PRRC1: variants seen among roughly 807,000 people sequenced by gnomAD.
PRRC1 encodes the protein proline rich coiled-coil 1, also known as protein PRRC1.
A neutral mutation model predicts 40.7 loss-of-function variants in PRRC1; 39 were observed. That is an observed-to-expected ratio of 0.96 (90% confidence interval 0.74 to 1.25). The LOEUF is 1.25. PRRC1 is among the 50% of genes most tolerant of loss of function. The pLI is 0.00. For synonymous variants in PRRC1, 175 were observed against 193.3 expected (o/e 0.91, Z 0.79); for missense variants, 573 against 548.3 (o/e 1.05, Z -0.45).
chr5:127,537,268 G>A (rs921294016), intron 6 of PRRC1, among the ~76,000 whole-genome samples: 1 of 151,854 alleles, frequency 6.6e-6, no homozygotes, highest in Non-Finnish European at 1.5e-5. Flanking sequence ...CTTCAGTTCT[G>A]AAATGATTAT....
chr5:127,522,579 A>T (rs1305526250), intron 1 of PRRC1, among the ~76,000 whole-genome samples: 1 of 151,888 alleles, frequency 6.6e-6, no homozygotes, highest in Non-Finnish European at 1.5e-5. Flanking sequence ...TTTTGTAGAG[A>T]TGGAGTCTTC....
chr5:127,525,021 T>TTTG, intron 3 of PRRC1, 101 bp downstream of exon 3: 1 of 1,169,724 alleles, frequency 8.5e-7, no homozygotes. Flanking sequence ...TACTCTACAA[T>TTTG]TCACCCAATT....
chr5:127,534,529 A>G (rs10064653), intron 6 of PRRC1, among the ~76,000 whole-genome samples: 18,526 of 152,132 alleles, frequency 0.12, 2,227 homozygotes, highest in African/African-American at 0.32. Context: ...GAGACAGTTG[A>G]TCATGCACTT....
chr5:127,553,477 ATACTT>A lies in PRRC1; in HGVS notation c.*1563_*1567del. 3 of 1,138,462 alleles carry A rather than the reference ATACTT, an allele frequency of 2.6e-6. No homozygotes were observed. Among genetic ancestry groups the A allele is most frequent in the Non-Finnish European group, 3.3e-6 (3 of 922,486 alleles). The allele number at this position is 1,138,462 out of a possible 1,614,324, so 70.5% of individuals were successfully genotyped here. A position where few individuals can be genotyped will look rare whatever the true frequency, so the allele number is the denominator to read the frequency against. ...TTTGTCCAGGAGTAACAGGGACAGAATACTTTCTTTCTTTCCTTCAAGTACAAGAA... is the reference window on the plus strand; with the variant it reads ...TTTGTCCAGGAGTAACAGGGACAGAATCTTTCTTTCCTTCAAGTACAAGAA... On this transcript the variant is annotated 3_prime_UTR_variant, in exon 9 of 9. Transcript: ENST00000296666.
Position 127,524,606 on chromosome 5 carries a change from A to G in PRRC1, c.179A>G (p.Gln60Arg). ...CCACCACTCGCATACTCTACTCCTC[A>G]GCCGCCCCTTCCTCCTGTGAGGCCT... ...SFPPLAYSTP[Q>R]PPLPPVRPSA... is the part of the protein sequence containing the mutation. Residue 60 changes from glutamine to arginine, a missense_variant, in exon 3 of 9, where the codon CAG becomes CGG. Physicochemically the swap from Gln to Arg is conservative, Grantham distance 43. Transcript: ENST00000296666. The G allele has an allele frequency of 1.2e-6, 2 of 1,614,062 alleles. No homozygotes were observed. Among genetic ancestry groups the G allele is most frequent in the Non-Finnish European group, 1.7e-6 (2 of 1,180,010 alleles).
At position 127,552,910 on chromosome 5, in the gene PRRC1, T is replaced by G. The variant is rs539936610; in HGVS notation, c.*994T>G. 13 of 940,120 alleles carry G rather than the reference T, an allele frequency of 1.4e-5. No individual in the cohort carries two copies. The South Asian group carries it at 4.9e-4, about 36-fold the overall frequency. 58.2% of individuals were successfully genotyped at this position (940,120 alleles called of 1,614,324 possible). A position where few individuals can be genotyped will look rare whatever the true frequency, so the allele number is the denominator to read the frequency against. On this transcript the variant is annotated 3_prime_UTR_variant, in exon 9 of 9. Coordinates refer to ENST00000296666, the MANE Select transcript of PRRC1 (RefSeq NM_130809.5). Reference sequence around the variant, plus strand: ...ATTTGGTCTTTACTTTTTATGGATGTTTTCAAAGAAACTATTTTATATTCA... The same window carrying G: ...ATTTGGTCTTTACTTTTTATGGATGGTTTCAAAGAAACTATTTTATATTCA...
chr5:127,538,012 T>G (rs1194235150), intron 6 of PRRC1, among the ~76,000 whole-genome samples: 1 of 151,994 alleles, frequency 6.6e-6, no homozygotes, highest in Non-Finnish European at 1.5e-5. Flanking sequence ...TGGTAAGTTC[T>G]TATTGAACAC....
At position 127,530,383 on chromosome 5, in the gene PRRC1, G is replaced by A; in HGVS notation, c.744G>A (p.Met248Ile). ...ESMITTLDPG[M>I]APYIKSGGEL... ...TGATTACAACGCTGGACCCTGGCAT[G>A]GCTCCCTATATCAGTATGTACATAA... is the stretch of plus-strand genomic sequence containing the variant. Residue 248 changes from methionine to isoleucine, a missense_variant, in exon 5 of 9, where the codon ATG (methionine) becomes ATA (isoleucine). Met to Ile is a conservative substitution (Grantham distance 10). Coordinates refer to ENST00000296666, the MANE Select transcript of PRRC1 (RefSeq NM_130809.5). The A allele has an allele frequency of 6.2e-7, 1 of 1,613,412 alleles. No individual in the cohort carries two copies. Among genetic ancestry groups the A allele is most frequent in the Non-Finnish European group, 8.5e-7 (1 of 1,179,508 alleles).
intron 7 of PRRC1, among the ~76,000 whole-genome samples, chr5:127,546,303 A>C (rs1233134369): frequency 6.6e-6 from 1 of 152,124 alleles, no homozygotes; most frequent in Non-Finnish European, 1.5e-5. Context: ...ATGTAGTTGA[A>C]CTGTCTTTAC....
intron 5 of PRRC1, among the ~76,000 whole-genome samples, chr5:127,531,617 CTTTTTTTT>C (rs60179366): frequency 8.0e-5 from 8 of 99,676 alleles, no homozygotes; most frequent in South Asian, 3.3e-4. Context: ...TCTTCTTCTT[CTTTTTTTT>C]TTTTTTTTTT....
At position 127,539,180 on chromosome 5, in the gene PRRC1, A is replaced by G. The variant is rs761767152; in HGVS notation, c.1025+37A>G. The G allele has an allele frequency of 7.9e-6, 12 of 1,527,566 alleles. No homozygotes were observed. The East Asian group carries it at 2.7e-4, about 34-fold the overall frequency. The allele number at this position is 1,527,566 out of a possible 1,614,324, so 94.6% of individuals were successfully genotyped here. A position where few individuals can be genotyped will look rare whatever the true frequency, so the allele number is the denominator to read the frequency against. ...ATGTTTCTCTTGGAAGCAAAATATA[A>G]TTGGGTCTGGGAGTTGACACTGAAT... On this transcript the variant is annotated intron_variant, in intron 7 of 8. Transcript: ENST00000296666.
intron 7 of PRRC1, among the ~76,000 whole-genome samples, chr5:127,545,099 A>G (rs1449348425): frequency 6.6e-6 from 1 of 152,142 alleles, no homozygotes; most frequent in Non-Finnish European, 1.5e-5. Flanking sequence ...ACCATCTCAC[A>G]CCAGTTAGAA....
chr5:127,536,485 G>A (rs942563120), intron 6 of PRRC1, among the ~76,000 whole-genome samples: 1 of 152,046 alleles, frequency 6.6e-6, no homozygotes, highest in Non-Finnish European at 1.5e-5. Flanking sequence ...TTGCAAGTTG[G>A]AGAGAGTTTA....
chr5:127,525,306 C>G (rs1265926004), intron 3 of PRRC1, among the ~76,000 whole-genome samples: 2 of 152,152 alleles, frequency 1.3e-5, no homozygotes, highest in Non-Finnish European at 1.5e-5. Context: ...AAATATTTAA[C>G]TTAAATATTT....
chr5:127,518,647 G>A (rs1767380518), intron 1 of PRRC1, among the ~76,000 whole-genome samples: 1 of 152,062 alleles, frequency 6.6e-6, no homozygotes, highest in Admixed American at 6.5e-5. Flanking sequence ...GGCACGAGTA[G>A]GTCAGCAATA....
intron 1 of PRRC1, among the ~76,000 whole-genome samples, chr5:127,519,694 TTC>T (rs1767409308): frequency 6.6e-6 from 1 of 152,352 alleles, no homozygotes; most frequent in Non-Finnish European, 1.5e-5. Flanking sequence ...TCTCTTGGTA[TTC>T]TCTTACGTAA....
intron 1 of PRRC1, among the ~76,000 whole-genome samples, chr5:127,521,789 C>T (rs1306958524): frequency 6.6e-6 from 1 of 152,152 alleles, no homozygotes; most frequent in Non-Finnish European, 1.5e-5. Flanking sequence ...CTTCCCAGCT[C>T]AGTTGGTATA....
At chr5:127,537,565 C>A (rs1046371057) in intron 6 of PRRC1, among the ~76,000 whole-genome samples, 1 of 151,844 alleles carries the variant, frequency 6.6e-6, no homozygotes, top group East Asian at 1.9e-4. Flanking sequence ...TTTGTGAATC[C>A]TGTGAAATAT....
At position 127,526,720 on chromosome 5, in the gene PRRC1, C is replaced by T. The variant is rs1767627316; in HGVS notation, c.596C>T (p.Pro199Leu). The change falls in exon 4 of 9, where the codon CCT (proline) becomes CTT (leucine). Residue 199 changes from proline to leucine, a missense_variant. Transcript: ENST00000296666. ...AITFPEEQED[P>L]RITRGQDEAS... ...ACTTTCCCAGAGGAGCAAGAAGACC[C>T]TAGAATTACTAGAGGTCAGGATGAA... 1 of 1,613,148 alleles carries T rather than the reference C, an allele frequency of 6.2e-7. No homozygotes were observed. Among genetic ancestry groups the T allele is most frequent in the Non-Finnish European group, 8.5e-7 (1 of 1,179,452 alleles).
Sources: allele counts gnomAD v4.1 joint callset (sites outside exome capture counted in the v4.1 genomes callset), GRCh38; gene constraint gnomAD v4.1.1; transcripts MANE v1.5; gene names NCBI Gene and HGNC (gene_info 2026-07-23, HGNC 2026-07-21).